The following RGS22 variants were observed in gnomAD, a reference collection of about 807,000 sequenced individuals.
RGS22 encodes regulator of G-protein signaling 22.
Under a neutral mutation model 172.9 loss-of-function variants are expected in RGS22, and 148 were observed. The observed-to-expected ratio is 0.86, with a 90% confidence interval of 0.75 to 0.98. The LOEUF (loss-of-function observed/expected upper bound fraction) is 0.98, where lower values mean the gene tolerates loss of function less well. Ranked by LOEUF, RGS22 falls within the 50% of genes least tolerant of loss-of-function variation. The pLI, the probability that RGS22 is intolerant of heterozygous loss-of-function variation, is 0.00. For synonymous variants in RGS22, 458 were observed against 480.2 expected (o/e 0.95, Z 0.60); for missense variants, 1,347 against 1,440.8 (o/e 0.93, Z 1.05).
At chr8:100,072,816 G>A (rs961803118) in intron 4 of RGS22, among the ~76,000 whole-genome samples, 6 of 152,260 alleles carry the variant, frequency 3.9e-5, no homozygotes, top group Middle Eastern at 3.4e-3. Context: ...CACAGAACAC[G>A]CACTTCACTC....
rs114904569 is a variant in RGS22 at position 100,023,518 on chromosome 8, C to T, written c.2167-14949G>A. ...GTGCACTCATAGCTCACTGCAGCCT[C>T]CAATTCCTGGGCTCAAGTGATCTTC... is the stretch of plus-strand genomic sequence containing the variant. On this transcript the variant is annotated intron_variant, in intron 14 of 27. Transcript: ENST00000360863. Among the ~76,000 whole-genome samples, 931 of 152,300 alleles carry T rather than the reference C, an allele frequency of 6.1e-3. 9 individuals carry two copies. Among genetic ancestry groups the T allele is most frequent in the Middle Eastern group, 0.037 (11 of 294 alleles).
At chr8:100,090,186 T>C (rs1563722878) in intron 3 of RGS22, among the ~76,000 whole-genome samples, 1 of 152,154 alleles carries the variant, frequency 6.6e-6, no homozygotes, top group Non-Finnish European at 1.5e-5. Context: ...ATAATAATTT[T>C]GTAAGATAGT....
chr8:100,005,361 G>A (rs980393517), intron 16 of RGS22, among the ~76,000 whole-genome samples: 2 of 151,932 alleles, frequency 1.3e-5, no homozygotes, highest in Non-Finnish European at 1.5e-5. Context: ...AAACAGGATC[G>A]ATCATACCAT....
intron 22 of RGS22, among the ~76,000 whole-genome samples, chr8:99,980,493 C>T (rs1274348771): frequency 6.6e-6 from 1 of 152,150 alleles, no homozygotes; most frequent in Non-Finnish European, 1.5e-5. Context: ...AGAGGGAAGA[C>T]ATGGAGATGG....
At chr8:100,047,660 A>G (rs1438407199) in intron 10 of RGS22, 64 bp from the exon 11 acceptor site, 2 of 1,422,094 alleles carry the variant, frequency 1.4e-6, no homozygotes, top group African/African-American at 1.5e-5. Flanking sequence ...CTGCACCTAT[A>G]CCTCAAATTT....
chr8:100,021,348 G>T (rs1180743976), intron 14 of RGS22, among the ~76,000 whole-genome samples: 3 of 152,090 alleles, frequency 2.0e-5, no homozygotes, highest in Admixed American at 1.3e-4. Flanking sequence ...AAAATTGTTT[G>T]TTTACATTCT....
chr8:100,041,856 A>G lies in RGS22; in HGVS notation c.1884T>C (p.Ser628=). The change falls in exon 12 of 28, where the codon TCT becomes TCC. Residue 628 remains serine, a synonymous_variant. Coordinates refer to ENST00000360863, the MANE Select transcript of RGS22 (RefSeq NM_015668.5). ...VIHLTSFTDI[S]ECLKPQLDRR... is the part of the protein sequence containing the mutation. Reference sequence around the variant, plus strand: ...TATCCAGCTGGGGCTTGAGACATTCAGAAATGTCAGTAAAAGATGTTAAAT... The same window carrying G: ...TATCCAGCTGGGGCTTGAGACATTCGGAAATGTCAGTAAAAGATGTTAAAT... 1 of 1,613,344 alleles carries G rather than the reference A, an allele frequency of 6.2e-7. No individual in the cohort carries two copies. Among genetic ancestry groups the G allele is most frequent in the Non-Finnish European group, 8.5e-7 (1 of 1,179,480 alleles).
At chr8:100,070,552 C>CT (rs1353315952) in intron 6 of RGS22, among the ~76,000 whole-genome samples, 1 of 152,124 alleles carries the variant, frequency 6.6e-6, no homozygotes, top group Non-Finnish European at 1.5e-5. Context: ...TTAAGGAACA[C>CT]TGTTTTCCTG....
Position 100,063,796 on chromosome 8 carries a change from CAAAAT to C in RGS22, c.967_971del (p.Ile323GlufsTer30), listed in dbSNP as rs766470668. Reference sequence around the variant, plus strand: ...CAACAATTTGCTGAATTGCTCCTCTCAAAATAAAGTATATATAGGAGCTTAAAAAT... The same window carrying C: ...CAACAATTTGCTGAATTGCTCCTCTCAAAGTATATATAGGAGCTTAAAAAT... On this transcript the variant is annotated frameshift_variant, in exon 8 of 28. Transcript: ENST00000360863. LOFTEE classifies it high-confidence loss of function. 6.2e-7 allele frequency: 1 copy of C among 1,613,888 alleles called. No individual in the cohort carries two copies. Among genetic ancestry groups the C allele is most frequent in the Non-Finnish European group, 8.5e-7 (1 of 1,180,000 alleles).
intron 3 of RGS22, among the ~76,000 whole-genome samples, chr8:100,088,050 A>G (rs943008110): frequency 3.9e-5 from 6 of 151,970 alleles, no homozygotes; most frequent in African/African-American, 1.2e-4. Context: ...GCAAGAGAAG[A>G]CCCAAACCCT....
chr8:99,986,102 T>C (rs1813067112), intron 21 of RGS22, among the ~76,000 whole-genome samples: 2 of 151,972 alleles, frequency 1.3e-5, no homozygotes, highest in South Asian at 2.1e-4. Context: ...TGGTGGTGCA[T>C]GCCTGTACTC....
intron 23 of RGS22, among the ~76,000 whole-genome samples, chr8:99,972,792 G>A (rs1050788497): frequency 2.6e-5 from 4 of 152,110 alleles, no homozygotes; most frequent in African/African-American, 7.2e-5. Context: ...CCAGCACTTT[G>A]GGAGGCTGAG....
intron 4 of RGS22, among the ~76,000 whole-genome samples, chr8:100,075,150 G>T (rs1390232509): frequency 6.6e-6 from 1 of 152,120 alleles, no homozygotes; most frequent in Non-Finnish European, 1.5e-5. Context: ...CAGTGATATG[G>T]TATGGATATT....
chr8:100,002,509 T>A (rs910892141), intron 17 of RGS22, 145 bp from the exon 18 acceptor site: 7 of 668,922 alleles, frequency 1.0e-5, no homozygotes, highest in Non-Finnish European at 1.7e-5. Context: ...AACCCAATAT[T>A]GTATCTCTGA....
At chr8:100,092,963 T>C (rs959824862) in intron 3 of RGS22, among the ~76,000 whole-genome samples, 1 of 152,188 alleles carries the variant, frequency 6.6e-6, no homozygotes, top group African/African-American at 2.4e-5. Context: ...AAGCAAAAAA[T>C]TAGTTCCTTG....
At chr8:99,962,138 C>T (rs1449523520) in intron 27 of RGS22, among the ~76,000 whole-genome samples, 5 of 151,882 alleles carry the variant, frequency 3.3e-5, no homozygotes, top group African/African-American at 1.2e-4. Context: ...AGCCATAGCC[C>T]ATTCTTCCAT....
At chr8:100,025,864 T>C (rs1310739459) in intron 14 of RGS22, among the ~76,000 whole-genome samples, 1 of 152,182 alleles carries the variant, frequency 6.6e-6, no homozygotes, top group African/African-American at 2.4e-5. Context: ...AGGAGCTACA[T>C]AGTCTTAACT....
chr8:100,100,315 A>G (rs1047876786), intron 2 of RGS22, among the ~76,000 whole-genome samples: 2 of 138,694 alleles, frequency 1.4e-5, no homozygotes, highest in African/African-American at 5.6e-5. Context: ...TTTGAGACGT[A>G]GTCTCATTCT....
At chr8:99,979,476 G>GTTT (rs1440358565) in intron 22 of RGS22, among the ~76,000 whole-genome samples, 1 of 152,114 alleles carries the variant, frequency 6.6e-6, no homozygotes, top group Non-Finnish European at 1.5e-5. Context: ...ATAAGAAAAT[G>GTTT]TTTTAATAAA....
Sources: gnomAD v4.1 joint callset for allele counts (sites outside exome capture counted in the v4.1 genomes callset) on GRCh38, gnomAD v4.1.1 for gene constraint, MANE v1.5 for transcripts, NCBI Gene and HGNC (gene_info 2026-07-23, HGNC 2026-07-21) for gene names.